The following TPRG1 variants were observed in gnomAD, a reference collection of about 807,000 sequenced individuals.
TPRG1 encodes tumor protein p63-regulated gene 1 protein.
In TPRG1, 29 loss-of-function variants were observed where a neutral mutation model predicts 29.3. The ratio of observed to expected loss-of-function variants is 0.99; its 90% CI spans 0.74 to 1.35. The LOEUF is 1.35. Among genes scored for constraint, TPRG1 ranks in the 40% most tolerant of loss-of-function variants. The pLI is 0.00. For synonymous variants in TPRG1, 130 were observed against 116.8 expected, an observed-to-expected ratio of 1.11 and a Z score of -0.73; for missense variants, 327 against 335.0, an observed-to-expected ratio of 0.98 and a Z score of 0.19.
chr3:189,287,679 G>C (rs1314982373), intron 4 of TPRG1, among the ~76,000 whole-genome samples: 1 of 152,208 alleles, frequency 6.6e-6, no homozygotes, highest in Non-Finnish European at 1.5e-5. Flanking sequence ...TTACAGGCGT[G>C]AGCCACCATG....
intron 3 of TPRG1, among the ~76,000 whole-genome samples, chr3:189,141,806 T>C (rs1182259869): frequency 6.6e-6 from 1 of 152,170 alleles, no homozygotes; most frequent in Non-Finnish European, 1.5e-5. Flanking sequence ...TTTTTATTGA[T>C]TGATTACTTT....
intron 1 of TPRG1, among the ~76,000 whole-genome samples, chr3:189,197,476 T>C (rs1208541234): frequency 6.6e-6 from 1 of 152,206 alleles, no homozygotes; most frequent in Non-Finnish European, 1.5e-5. Flanking sequence ...CCACCACTTT[T>C]CTGTCCCTTT....
chr3:189,096,674 G>A (rs1001191049), upstream of TPRG1, among the ~76,000 whole-genome samples: 5 of 152,236 alleles, frequency 3.3e-5, no homozygotes, highest in Admixed American at 6.5e-5. Flanking sequence ...AGTGTGAAAC[G>A]TAAAAAATTC....
chr3:189,079,321 C>T (rs1346418448), intron 4 of TPRG1, among the ~76,000 whole-genome samples: 1 of 152,112 alleles, frequency 6.6e-6, no homozygotes, highest in African/African-American at 2.4e-5. Flanking sequence ...CAAATTTCAA[C>T]ATGAAATTTA....
At position 189,206,359 on chromosome 3, in the gene TPRG1, A is replaced by AT. The variant is rs1394546577; in HGVS notation, c.-9-1011dup. Among the ~76,000 whole-genome samples, 13 of 151,620 alleles carry AT rather than the reference A, an allele frequency of 8.6e-5. No individual in the cohort carries two copies. The East Asian group carries it at 2.5e-3, about 29-fold the overall frequency. ...TACTGATGGATACTTATTTTATTTT[A>AT]TTTTTTGGTGTTAGACTCAATGTTG... On this transcript the variant is annotated intron_variant, in intron 1 of 5. Transcript: ENST00000345063.
intron 1 of TPRG1, among the ~76,000 whole-genome samples, chr3:189,108,659 TTGTTTC>T (rs1401298350): frequency 6.6e-6 from 1 of 152,104 alleles, no homozygotes; most frequent in African/African-American, 2.4e-5. Context: ...TAAAAATTCT[TTGTTTC>T]TGCTTTCTGA....
At chr3:189,215,179 C>G (rs756290511) in intron 2 of TPRG1, 113 bp from the exon 3 acceptor site, 8 of 805,990 alleles carry the variant, frequency 9.9e-6, no homozygotes, top group Non-Finnish European at 1.5e-5. Context: ...ACTGCATAAA[C>G]TATATCCTTT....
intron 1 of TPRG1, among the ~76,000 whole-genome samples, chr3:189,206,111 T>A (rs981439588): frequency 1.7e-4 from 26 of 150,806 alleles, no homozygotes; most frequent in African/African-American, 6.3e-4. Context: ...CTTCTTTCTT[T>A]CTTCTCTTTT....
Position 189,084,638 on chromosome 3 carries a change from C to A in TPRG1, c.-462-42419C>A, listed in dbSNP as rs570497481. Among the ~76,000 whole-genome samples the A allele has an allele frequency of 2.0e-4, 30 of 152,344 alleles. No homozygotes were observed. In the South Asian group the frequency reaches 5.8e-3, roughly 29 times the overall value. On this transcript the variant is annotated intron_variant, in intron 4 of 10. Transcript: ENST00000433971. Reference sequence around the variant, plus strand: ...TAGAGAAAGCTATTCATTAACTAAGCTTTCTGTCTCTCACTATGCGTTTCT... The same window carrying A: ...TAGAGAAAGCTATTCATTAACTAAGATTTCTGTCTCTCACTATGCGTTTCT...
chr3:189,035,237 C>A (rs73048753), intron 4 of TPRG1, among the ~76,000 whole-genome samples: 2,561 of 152,160 alleles, frequency 0.017, 72 homozygotes, highest in African/African-American at 0.058. Flanking sequence ...TAGTCATATG[C>A]GGAAGATTGA....
At chr3:189,270,362 A>G (rs1389182058) in intron 4 of TPRG1, among the ~76,000 whole-genome samples, 1 of 152,158 alleles carries the variant, frequency 6.6e-6, no homozygotes, top group African/African-American at 2.4e-5. Flanking sequence ...TGCTTCTGAG[A>G]TTTCAAATAC....
intron 4 of TPRG1, among the ~76,000 whole-genome samples, chr3:189,063,959 G>A (rs910871860): frequency 2.0e-5 from 3 of 152,114 alleles, no homozygotes; most frequent in Non-Finnish European, 2.9e-5. Context: ...TATGGGTAAC[G>A]TTTGGAGAAA....
chr3:189,097,872 A>G (rs1458033962), upstream of TPRG1, among the ~76,000 whole-genome samples: 1 of 152,190 alleles, frequency 6.6e-6, no homozygotes, highest in Admixed American at 6.5e-5. Flanking sequence ...TTGAACCACA[A>G]TTTGAGAACT....
In TPRG1 at chr3:189,297,373, T is replaced by C. The variant is rs1262361951; in HGVS notation, c.480-13013T>C. On this transcript the variant is annotated intron_variant, in intron 4 of 5. Coordinates refer to ENST00000345063, the MANE Select transcript of TPRG1 (RefSeq NM_198485.4). ...TCTCATTCAATACCCATGCCCTAGG[T>C]GCATAGTTTAGATGACCCTTCTTTT... is the stretch of plus-strand genomic sequence containing the variant. Among the ~76,000 whole-genome samples the C allele has an allele frequency of 2.6e-5, 4 of 152,258 alleles. 1 individual carries two copies. The highest frequency in any genetic ancestry group is 3.4e-3 in the Middle Eastern group (1 of 294).
chr3:189,214,844 A>G (rs1319694483), intron 2 of TPRG1, among the ~76,000 whole-genome samples: 1 of 152,128 alleles, frequency 6.6e-6, no homozygotes, highest in African/African-American at 2.4e-5. Flanking sequence ...AAATGAGGTG[A>G]GGAGACTGAA....
At chr3:189,278,850 G>T (rs1716612465) in intron 4 of TPRG1, among the ~76,000 whole-genome samples, 2 of 152,084 alleles carry the variant, frequency 1.3e-5, no homozygotes, top group African/African-American at 4.8e-5. Flanking sequence ...CTAAAATGAG[G>T]CAGAGGGACT....
At chr3:189,221,867 C>T (rs1306102559) in intron 3 of TPRG1, among the ~76,000 whole-genome samples, 5 of 152,254 alleles carry the variant, frequency 3.3e-5, no homozygotes, top group East Asian at 1.9e-4. Context: ...AATGACCTGC[C>T]GAAGGGCAAC....
intron 4 of TPRG1, chr3:189,240,705 C>T (rs989363058): frequency 1.3e-5 from 2 of 152,342 alleles, no homozygotes; most frequent in African/African-American, 4.8e-5. Flanking sequence ...TCCCACGACA[C>T]ATGGGAATTG....
intron 3 of TPRG1, among the ~76,000 whole-genome samples, chr3:189,138,040 G>A (rs761263262): frequency 1.3e-5 from 2 of 152,182 alleles, no homozygotes; most frequent in East Asian, 1.9e-4. Context: ...CCTGCCTCAA[G>A]AGGAGGGACA....
Sources: allele counts gnomAD v4.1 joint callset (sites outside exome capture counted in the v4.1 genomes callset), GRCh38; gene constraint gnomAD v4.1.1; transcripts MANE v1.5; gene names NCBI Gene and HGNC (gene_info 2026-07-23, HGNC 2026-07-21).